PKIG: variants seen among roughly 807,000 people sequenced by gnomAD.
PKIG encodes cAMP-dependent protein kinase inhibitor gamma, also known as protein kinase (cAMP-dependent, catalytic) inhibitor gamma.
PKIG carries 1 observed loss-of-function variant against 6.8 expected under a neutral mutation model. The ratio of observed to expected loss-of-function variants is 0.15; its 90% confidence interval spans 0.05 to 0.69. PKIG has a LOEUF of 0.69. PKIG is among the 30% of genes least tolerant of loss of function. PKIG has a pLI of 0.82. For synonymous variants in PKIG, 39 were observed against 43.0 expected, an observed-to-expected ratio of 0.91 and a Z score of 0.36; for missense variants, 77 against 104.0, an observed-to-expected ratio of 0.74 and a Z score of 1.13.
At chr20:44,600,831 G>A (rs1024194500) in intron 2 of PKIG, among the ~76,000 whole-genome samples, 2 of 152,186 alleles carry the variant, frequency 1.3e-5, no homozygotes, top group Admixed American at 6.5e-5. Flanking sequence ...AGGCCGTGGC[G>A]AGCAGGCTGG....
At chr20:44,571,504 A>T (rs2064853817) in intron 1 of PKIG, among the ~76,000 whole-genome samples, 1 of 152,118 alleles carries the variant, frequency 6.6e-6, no homozygotes, top group African/African-American at 2.4e-5. Flanking sequence ...TATACTATAA[A>T]CCGTTGTCTT....
At chr20:44,559,183 A>G (rs2064745398) in intron 1 of PKIG, among the ~76,000 whole-genome samples, 2 of 152,138 alleles carry the variant, frequency 1.3e-5, no homozygotes, top group Admixed American at 1.3e-4. Flanking sequence ...CTTTCCCCTA[A>G]ATCTCCATTC....
intron 2 of PKIG, among the ~76,000 whole-genome samples, chr20:44,602,425 T>A (rs2065128902): frequency 1.3e-5 from 2 of 152,256 alleles, no homozygotes; most frequent in Admixed American, 6.5e-5. Context: ...CCTTTTTCTC[T>A]TTACACATTG....
At chr20:44,541,193 A>G (rs2064558441) in intron 1 of PKIG, among the ~76,000 whole-genome samples, 1 of 152,244 alleles carries the variant, frequency 6.6e-6, no homozygotes, top group African/African-American at 2.4e-5. Context: ...GTTTAGTGAC[A>G]TCGGCAATGA....
chr20:44,585,303 T>C (rs747424665), intron 1 of PKIG: 1 of 152,362 alleles, frequency 6.6e-6, no homozygotes, highest in Non-Finnish European at 1.5e-5. Context: ...CTCTCCCACC[T>C]CAGTCACTCC....
intron 3 of PKIG, among the ~76,000 whole-genome samples, chr20:44,616,569 C>T (rs1021864752): frequency 6.6e-6 from 1 of 152,216 alleles, no homozygotes; most frequent in Non-Finnish European, 1.5e-5. Flanking sequence ...ACCTGTTTTC[C>T]CTGACTCAGA....
At chr20:44,566,109 A>G (rs1009062735) in intron 1 of PKIG, among the ~76,000 whole-genome samples, 1 of 152,030 alleles carries the variant, frequency 6.6e-6, no homozygotes, top group Non-Finnish European at 1.5e-5. Context: ...GCCACTAACT[A>G]CCCGCATCTC....
chr20:44,532,459 T>TTAC (rs2064475378), intron 1 of PKIG, among the ~76,000 whole-genome samples: 1 of 152,158 alleles, frequency 6.6e-6, no homozygotes, highest in Non-Finnish European at 1.5e-5. Flanking sequence ...GCTTTTATTA[T>TTAC]TACTACTACT....
intron 1 of PKIG, among the ~76,000 whole-genome samples, chr20:44,567,718 CCTT>C (rs936543798): frequency 2.3e-4 from 35 of 152,326 alleles, no homozygotes; most frequent in African/African-American, 8.4e-4. Flanking sequence ...GGGCAGCACA[CCTT>C]CTGGGCCAGG....
chr20:44,554,246 T>A (rs1026971869), intron 1 of PKIG, among the ~76,000 whole-genome samples: 4 of 150,520 alleles, frequency 2.7e-5, no homozygotes, highest in African/African-American at 9.8e-5. Flanking sequence ...CCTGGCTAAT[T>A]TTTTTTTTGT....
At chr20:44,607,317 G>GTGTGTGTGTGTGTGTTTGTGTGTGTATA (rs1458534895) in intron 2 of PKIG, among the ~76,000 whole-genome samples, 1 of 148,984 alleles carries the variant, frequency 6.7e-6, no homozygotes, top group African/African-American at 2.5e-5. Flanking sequence ...TTTCCAAGGT[G>GTGTGTGTGTGTGTGTTTGTGTGTGTATA]TGTGTGTGTG....
intron 2 of PKIG, among the ~76,000 whole-genome samples, chr20:44,602,397 T>C (rs1448008308): frequency 4.6e-5 from 7 of 152,246 alleles, no homozygotes; most frequent in Non-Finnish European, 5.9e-5. Context: ...GTGATAAGAT[T>C]CATTTACTTG....
In PKIG at chr20:44,618,923, C is replaced by T. The variant is rs1473598153; in HGVS notation, c.*559C>T. 1 of 156,176 alleles carries T rather than the reference C, an allele frequency of 6.4e-6. No individual in the cohort carries two copies. Among genetic ancestry groups the T allele is most frequent in the Non-Finnish European group, 1.4e-5 (1 of 70,176 alleles). The allele number at this position is 156,176 out of a possible 1,614,324, so 9.7% of individuals were successfully genotyped here. A position where few individuals can be genotyped will look rare whatever the true frequency, so the allele number is the denominator to read the frequency against. On this transcript the variant is annotated 3_prime_UTR_variant, in exon 4 of 4. Coordinates refer to ENST00000372886, the MANE Select transcript of PKIG (RefSeq NM_001281445.2). The stretch of plus-strand genomic sequence containing the variant: ...TCTGAGGTTCCCTCATGGAGCTCCA[C>T]AGATCCATTTTTAGGGAAGGGATTT...
At chr20:44,585,598 C>A (rs572683679) in intron 1 of PKIG, among the ~76,000 whole-genome samples, 1 of 152,332 alleles carries the variant, frequency 6.6e-6, no homozygotes, top group African/African-American at 2.4e-5. Context: ...GTCCCCGAAG[C>A]CCTTGAATAT....
chr20:44,604,539 A>G (rs1354205467), intron 2 of PKIG, among the ~76,000 whole-genome samples: 1 of 152,244 alleles, frequency 6.6e-6, no homozygotes, highest in Non-Finnish European at 1.5e-5. Context: ...TTGGACTAGG[A>G]GAATGTAAAA....
intron 1 of PKIG, among the ~76,000 whole-genome samples, chr20:44,549,140 T>C (rs1454758192): frequency 6.6e-6 from 1 of 152,240 alleles, no homozygotes; most frequent in African/African-American, 2.4e-5. Flanking sequence ...TTTAAAAGTT[T>C]GATTTTTGCT....
At chr20:44,557,109 T>C (rs909362587) in intron 1 of PKIG, among the ~76,000 whole-genome samples, 3 of 152,228 alleles carry the variant, frequency 2.0e-5, no homozygotes, top group African/African-American at 7.2e-5. Context: ...TTTCAGTGTA[T>C]TTAGAGTAAT....
At chr20:44,572,132 T>C (rs1225800497) in intron 1 of PKIG, among the ~76,000 whole-genome samples, 1 of 152,200 alleles carries the variant, frequency 6.6e-6, no homozygotes, top group Non-Finnish European at 1.5e-5. Flanking sequence ...GCCTCCCCAG[T>C]AGCCGGGATT....
upstream of PKIG, among the ~76,000 whole-genome samples, chr20:44,578,009 G>A (rs76394736): frequency 6.4e-3 from 968 of 152,118 alleles, 5 homozygotes; most frequent in Middle Eastern, 0.02. Context: ...GTTCTTGTTC[G>A]GTTAGTTCAA....
Sources: gnomAD v4.1 joint callset for allele counts (sites outside exome capture counted in the v4.1 genomes callset) on GRCh38, gnomAD v4.1.1 for gene constraint, MANE v1.5 for transcripts, NCBI Gene and HGNC (gene_info 2026-07-23, HGNC 2026-07-21) for gene names.